NRXN1: variants seen among roughly 807,000 people sequenced by gnomAD.
The protein encoded by NRXN1 is neurexin 1, also known as neurexin-1.
Under a neutral mutation model 150.9 loss-of-function variants are expected in NRXN1, and 39 were observed. That is an observed-to-expected ratio of 0.26 (90% CI 0.20 to 0.34). The LOEUF is 0.34. NRXN1 is among the 10% of genes least tolerant of loss of function. The probability of loss-of-function intolerance (pLI) is 1.00; values close to 1 mark genes in which losing one functional copy is unlikely to be tolerated. For missense variants in NRXN1, 1,815 were observed against 1,949.9 expected (o/e 0.93, Z 1.30); for synonymous variants, 924 against 757.0 (o/e 1.22, Z -3.62).
intron 8 of NRXN1, among the ~76,000 whole-genome samples, chr2:50,601,895 C>G (rs1002436499): frequency 3.9e-5 from 6 of 152,080 alleles, no homozygotes; most frequent in African/African-American, 7.2e-5. Flanking sequence ...TGTTATCACA[C>G]AGAACTGTCA....
intron 17 of NRXN1, among the ~76,000 whole-genome samples, chr2:50,422,595 G>A (rs963730298): frequency 6.6e-6 from 1 of 152,064 alleles, no homozygotes; most frequent in Non-Finnish European, 1.5e-5. Flanking sequence ...CTTTATGTTG[G>A]TCTAATCTAG....
At chr2:50,465,072 C>G (rs1243853375) in intron 17 of NRXN1, among the ~76,000 whole-genome samples, 1 of 151,702 alleles carries the variant, frequency 6.6e-6, no homozygotes. Context: ...AGTAAAATTA[C>G]AGCCCTCGAG....
At chr2:50,320,751 G>A (rs561089640) in intron 17 of NRXN1, among the ~76,000 whole-genome samples, 1 of 152,220 alleles carries the variant, frequency 6.6e-6, no homozygotes, top group East Asian at 1.9e-4. Flanking sequence ...GAGGTATGGA[G>A]GGGGCTGATG....
At chr2:50,454,716 G>C (rs2087360877) in intron 17 of NRXN1, among the ~76,000 whole-genome samples, 1 of 146,068 alleles carries the variant, frequency 6.8e-6, no homozygotes, top group Non-Finnish European at 1.5e-5. Flanking sequence ...TTAATTAACG[G>C]ATCCTCCAAG....
intron 8 of NRXN1, among the ~76,000 whole-genome samples, chr2:50,582,029 A>C (rs1656947331): frequency 6.6e-6 from 1 of 152,128 alleles, no homozygotes; most frequent in Non-Finnish European, 1.5e-5. Context: ...AAATAGTCAT[A>C]AATTAGTGAA....
At chr2:50,898,014 C>T (rs1235482952) in intron 5 of NRXN1, among the ~76,000 whole-genome samples, 1 of 152,134 alleles carries the variant, frequency 6.6e-6, no homozygotes, top group Non-Finnish European at 1.5e-5. Context: ...TAGAAAATTA[C>T]AGGACAAGTT....
At chr2:50,829,256 C>T (rs1442051135) in intron 5 of NRXN1, among the ~76,000 whole-genome samples, 1 of 148,358 alleles carries the variant, frequency 6.7e-6, no homozygotes, top group African/African-American at 2.5e-5. Context: ...GAGAGGGAGA[C>T]CGTGGGGAGA....
intron 18 of NRXN1, among the ~76,000 whole-genome samples, chr2:50,111,658 G>A (rs952725609): frequency 6.6e-6 from 1 of 151,614 alleles, no homozygotes; most frequent in Non-Finnish European, 1.5e-5. Flanking sequence ...AAAAAAAAAA[G>A]TTACTCTCAT....
rs531434772 is a variant in NRXN1 at position 50,844,974 on chromosome 2, C to T, written c.832+76895G>A. 4.6e-5 allele frequency among the ~76,000 whole-genome samples: 7 copies of T among 152,200 alleles called. No homozygotes were observed. The Middle Eastern group carries it at 0.017, about 370-fold the overall frequency. ...GCTCAAGCTATCCTCCCACCTCAGC[C>T]TCTCAAGTAGCTGGGACCACAGGTG... On this transcript the variant is annotated intron_variant, in intron 5 of 22. Coordinates refer to ENST00000401669, the MANE Select transcript of NRXN1 (RefSeq NM_001330078.2).
At chr2:50,606,250 GAAAA>G (rs1203771076) in intron 8 of NRXN1, among the ~76,000 whole-genome samples, 5 of 75,514 alleles carry the variant, frequency 6.6e-5, no homozygotes, top group Non-Finnish European at 1.2e-4. Context: ...CTCTGTTTCA[GAAAA>G]AAAAAAAAAA....
At chr2:50,590,401 TG>T (rs1377724088) in intron 8 of NRXN1, among the ~76,000 whole-genome samples, 2 of 152,192 alleles carry the variant, frequency 1.3e-5, no homozygotes, top group African/African-American at 4.8e-5. Flanking sequence ...ACTGCGTCTA[TG>T]AAACATTATA....
chr2:50,949,049 T>C (rs1690860001), intron 2 of NRXN1, among the ~76,000 whole-genome samples: 2 of 152,032 alleles, frequency 1.3e-5, no homozygotes, highest in African/African-American at 4.8e-5. Flanking sequence ...GAAATATATA[T>C]AATTAATTAG....
At chr2:50,960,263 T>G (rs1692938855) in intron 2 of NRXN1, among the ~76,000 whole-genome samples, 1 of 151,902 alleles carries the variant, frequency 6.6e-6, no homozygotes, top group African/African-American at 2.4e-5. Context: ...ACAGAAGCTC[T>G]TCAAAGGACT....
chr2:51,020,301 T>G (rs527587136), intron 2 of NRXN1, among the ~76,000 whole-genome samples: 1 of 151,820 alleles, frequency 6.6e-6, no homozygotes, highest in East Asian at 1.9e-4. Flanking sequence ...CTCATATAAT[T>G]GCTGCCTTAA....
intron 8 of NRXN1, among the ~76,000 whole-genome samples, chr2:50,561,214 C>G (rs1172972085): frequency 6.6e-6 from 1 of 152,142 alleles, no homozygotes; most frequent in Non-Finnish European, 1.5e-5. Context: ...AGTTGAAAGA[C>G]TGAGTTGTCC....
intron 5 of NRXN1, among the ~76,000 whole-genome samples, chr2:50,671,401 T>C (rs1356913753): frequency 6.6e-6 from 1 of 151,674 alleles, no homozygotes; most frequent in South Asian, 2.1e-4. Flanking sequence ...TAGCTGAATA[T>C]GGCAAAATTA....
chr2:50,700,379 G>T (rs968414508), intron 5 of NRXN1, among the ~76,000 whole-genome samples: 3 of 151,998 alleles, frequency 2.0e-5, no homozygotes, highest in Non-Finnish European at 4.4e-5. Context: ...TCCTTTGCTG[G>T]GCCAATGGCA....
At chr2:50,929,805 G>C (rs1357661042) in intron 2 of NRXN1, among the ~76,000 whole-genome samples, 1 of 152,028 alleles carries the variant, frequency 6.6e-6, no homozygotes, top group African/African-American at 2.4e-5. Context: ...AGTTCCCATG[G>C]TGGCACAGGA....
At chr2:50,199,003 C>G (rs1203500801) in intron 18 of NRXN1, 1 of 152,144 alleles carries the variant, frequency 6.6e-6, no homozygotes, top group East Asian at 1.9e-4. Flanking sequence ...ATTATCAGAA[C>G]AAAAAGCCAA....
Sources: allele counts gnomAD v4.1 joint callset (sites outside exome capture counted in the v4.1 genomes callset), GRCh38; gene constraint gnomAD v4.1.1; transcripts MANE v1.5; gene names NCBI Gene and HGNC (gene_info 2026-07-23, HGNC 2026-07-21).